Variants in NELL1 observed in about 807,000 individuals in gnomAD.
The protein encoded by NELL1 is protein kinase C-binding protein NELL1.
In NELL1, 76 loss-of-function variants were observed where a neutral mutation model predicts 107.4. That is an observed-to-expected ratio of 0.71 (90% confidence interval 0.59 to 0.86). NELL1 has a LOEUF of 0.86. Ranked by LOEUF, NELL1 falls within the 40% of genes least tolerant of loss-of-function variation. The pLI is 0.00. For missense variants in NELL1, 1,024 were observed against 1,005.5 expected, an observed-to-expected ratio of 1.02 and a Z score of -0.25; for synonymous variants, 353 against 341.2, an observed-to-expected ratio of 1.03 and a Z score of -0.38.
intron 2 of NELL1, among the ~76,000 whole-genome samples, chr11:20,688,541 G>C (rs1854367081): frequency 6.6e-6 from 1 of 152,024 alleles, no homozygotes; most frequent in African/African-American, 2.4e-5. Context: ...CATCCATGTT[G>C]CTGCAAAGAA....
At chr11:20,767,644 A>G (rs544498368) in intron 2 of NELL1, among the ~76,000 whole-genome samples, 1 of 152,340 alleles carries the variant, frequency 6.6e-6, no homozygotes, top group East Asian at 1.9e-4. Context: ...TTGATTATGT[A>G]AGAGTATGAC....
At chr11:21,507,269 G>C (rs1003232498) in intron 15 of NELL1, among the ~76,000 whole-genome samples, 1 of 152,062 alleles carries the variant, frequency 6.6e-6, no homozygotes, top group Non-Finnish European at 1.5e-5. Flanking sequence ...AATAATCTTT[G>C]CATTTACCTT....
chr11:20,863,934 C>G (rs897668555), intron 4 of NELL1, among the ~76,000 whole-genome samples: 2 of 152,262 alleles, frequency 1.3e-5, no homozygotes, highest in African/African-American at 4.8e-5. Context: ...AGTGAAACCC[C>G]GTCTCCACCA....
intron 13 of NELL1, among the ~76,000 whole-genome samples, chr11:21,130,557 G>T (rs1855592720): frequency 6.6e-6 from 1 of 152,136 alleles, no homozygotes; most frequent in African/African-American, 2.4e-5. Context: ...CAACTCTAGA[G>T]TCAGGGACAG....
chr11:20,746,591 CACACACACACACACACGT>C (rs1856008970), intron 2 of NELL1, among the ~76,000 whole-genome samples: 1 of 151,550 alleles, frequency 6.6e-6, no homozygotes, highest in Admixed American at 6.6e-5. Flanking sequence ...CACACACACA[CACACACACACACACACGT>C]GGAATTGAAC....
At chr11:20,774,536 TTTC>T (rs893065613) in intron 2 of NELL1, among the ~76,000 whole-genome samples, 2 of 80,168 alleles carry the variant, frequency 2.5e-5, no homozygotes, top group African/African-American at 5.5e-5. Context: ...TGGCTCTACT[TTTC>T]TTATATCTCT....
At chr11:21,399,778 A>G (rs899811962) in intron 15 of NELL1, among the ~76,000 whole-genome samples, 1 of 151,756 alleles carries the variant, frequency 6.6e-6, no homozygotes, top group Non-Finnish European at 1.5e-5. Flanking sequence ...ACTGTGCAAT[A>G]CATCTCTCAT....
At chr11:21,117,886 A>C (rs117850680) in intron 13 of NELL1, among the ~76,000 whole-genome samples, 2,439 of 152,056 alleles carry the variant, frequency 0.016, 25 homozygotes, top group Non-Finnish European at 0.026. Flanking sequence ...AGAACTAATC[A>C]CTAGTTCCAT....
intron 15 of NELL1, among the ~76,000 whole-genome samples, chr11:21,491,365 A>C (rs1055226203): frequency 2.0e-5 from 3 of 152,018 alleles, no homozygotes; most frequent in Non-Finnish European, 4.4e-5. Flanking sequence ...ATCTTGAATT[A>C]ATTTTTGTAT....
chr11:20,725,559 G>C (rs180880412), intron 2 of NELL1, among the ~76,000 whole-genome samples: 2 of 152,132 alleles, frequency 1.3e-5, no homozygotes, highest in East Asian at 1.9e-4. Flanking sequence ...ATGAATCTGG[G>C]GTTTTATATA....
intron 17 of NELL1, 53 bp downstream of exon 17, chr11:21,560,435 TCA>T: frequency 6.8e-7 from 1 of 1,474,848 alleles, no homozygotes; most frequent in Non-Finnish European, 9.1e-7. Flanking sequence ...TCTTCTTCCC[TCA>T]CTTTTCTACC....
rs562481136 is a variant in NELL1, at chr11:21,285,377, C to A, written c.1549+55923C>A. 2.6e-5 allele frequency among the ~76,000 whole-genome samples: 4 copies of A among 152,292 alleles called. No homozygotes were observed. The East Asian group carries it at 7.7e-4, about 29-fold the overall frequency. ...CAGCCTGCAGAGAAGCCTGGCTTCT[C>A]TCTAGAGGTCGTTAATGAGTTAATT... On this transcript the variant is annotated intron_variant, in intron 14 of 19. Transcript: ENST00000357134.
intron 3 of NELL1, among the ~76,000 whole-genome samples, chr11:20,784,411 T>C (rs1856913415): frequency 6.6e-6 from 1 of 152,140 alleles, no homozygotes; most frequent in Non-Finnish European, 1.5e-5. Context: ...ACATGCTGAA[T>C]GCGAAGGAGT....
chr11:20,800,282 A>C (rs149608434), intron 3 of NELL1, among the ~76,000 whole-genome samples: 2,674 of 152,272 alleles, frequency 0.018, 30 homozygotes, highest in South Asian at 0.032. Context: ...ATGCTTTCCA[A>C]AGTGATTAAA....
At chr11:20,680,650 A>G (rs1182914736) in intron 2 of NELL1, among the ~76,000 whole-genome samples, 1 of 152,148 alleles carries the variant, frequency 6.6e-6, no homozygotes, top group Non-Finnish European at 1.5e-5. Context: ...CAGCAGTGCA[A>G]ACTCCGTTGG....
At chr11:20,963,322 G>C (rs1049179682) in intron 12 of NELL1, among the ~76,000 whole-genome samples, 3 of 151,982 alleles carry the variant, frequency 2.0e-5, no homozygotes, top group Admixed American at 1.3e-4. Context: ...TCAGACCCAG[G>C]TTACACCACT....
chr11:21,374,927 G>GTGTGTGTATGGTC (rs1851439863), intron 15 of NELL1, among the ~76,000 whole-genome samples: 1 of 130,988 alleles, frequency 7.6e-6, no homozygotes, highest in East Asian at 2.3e-4. Context: ...GTGTGTGTGT[G>GTGTGTGTATGGTC]TATGGTCTTC....
rs562811958 is a variant in NELL1 at position 20,975,601 on chromosome 11, A to G, written c.1300+15041A>G. ...ATATACACATATGTAGATATAATGT[A>G]TTATATATACACATATGTAGATATA... On this transcript the variant is annotated intron_variant, in intron 12 of 19. Transcript: ENST00000357134. Among the ~76,000 whole-genome samples, 3 of 143,828 alleles carry G rather than the reference A, an allele frequency of 2.1e-5. No homozygotes were observed. In the South Asian group the frequency reaches 6.4e-4, roughly 31 times the overall value. The allele number at this position is 143,828 out of a possible 152,430, so 94.4% of individuals were successfully genotyped here. A position where few individuals can be genotyped will look rare whatever the true frequency, so the allele number is the denominator to read the frequency against.
chr11:21,225,751 G>A (rs1469942981), intron 13 of NELL1, among the ~76,000 whole-genome samples: 2 of 152,148 alleles, frequency 1.3e-5, no homozygotes, highest in Non-Finnish European at 2.9e-5. Flanking sequence ...AGTAGTAGTA[G>A]TAGTAATAGT....
Sources: allele counts gnomAD v4.1 joint callset (sites outside exome capture counted in the v4.1 genomes callset), GRCh38; gene constraint gnomAD v4.1.1; transcripts MANE v1.5; gene names NCBI Gene and HGNC (gene_info 2026-07-23, HGNC 2026-07-21).